Variants in SGPL1 observed in about 807,000 individuals in gnomAD.
SGPL1 encodes SP-lyase 1.
A neutral mutation model predicts 68.9 loss-of-function variants in SGPL1; 37 were observed. That is an observed-to-expected ratio of 0.54 (90% CI 0.41 to 0.71). The LOEUF is 0.71. Ranked by LOEUF, SGPL1 falls within the 30% of genes least tolerant of loss-of-function variation. The pLI is 0.00. For missense variants in SGPL1, 551 were observed against 704.6 expected (o/e 0.78, Z 2.47); for synonymous variants, 236 against 248.5 (o/e 0.95, Z 0.47).
intron 2 of SGPL1, among the ~76,000 whole-genome samples, chr10:70,837,684 A>G (rs1392566848): frequency 6.6e-6 from 1 of 152,254 alleles, no homozygotes; most frequent in Non-Finnish European, 1.5e-5. Flanking sequence ...CATGGTAGAT[A>G]GCTCTGAGGG....
chr10:70,871,196 C>A, intron 10 of SGPL1, 50 bp downstream of exon 10: 2 of 1,300,640 alleles, frequency 1.5e-6, no homozygotes, highest in Non-Finnish European at 1.1e-6. Flanking sequence ...TATTTTAAAA[C>A]AAAGCCTAAT....
chr10:70,863,146 C>G (rs751219534), intron 7 of SGPL1, among the ~76,000 whole-genome samples: 1 of 152,014 alleles, frequency 6.6e-6, no homozygotes, highest in Admixed American at 6.6e-5. Flanking sequence ...ACCACCATGC[C>G]TCGCTAATTT....
intron 2 of SGPL1, among the ~76,000 whole-genome samples, chr10:70,817,475 C>T (rs188142414): frequency 6.6e-6 from 1 of 151,990 alleles, no homozygotes; most frequent in Non-Finnish European, 1.5e-5. Context: ...TTCCTCAGAC[C>T]GGAGTGCAGT....
intron 2 of SGPL1, among the ~76,000 whole-genome samples, chr10:70,823,886 T>A (rs1459604704): frequency 6.6e-6 from 1 of 152,234 alleles, no homozygotes; most frequent in African/African-American, 2.4e-5. Flanking sequence ...ATTAAAGTTA[T>A]GATTGGAATA....
intron 5 of SGPL1, among the ~76,000 whole-genome samples, chr10:70,855,316 ATCTG>A (rs1273932642): frequency 2.0e-5 from 3 of 152,238 alleles, no homozygotes; most frequent in Non-Finnish European, 4.4e-5. Context: ...ATATATGTAT[ATCTG>A]TCTGTTTCTG....
At chr10:70,829,261 A>G (rs1053162396) in intron 2 of SGPL1, among the ~76,000 whole-genome samples, 1 of 152,156 alleles carries the variant, frequency 6.6e-6, no homozygotes, top group African/African-American at 2.4e-5. Flanking sequence ...AGATTGTTGA[A>G]GATTAAGAGT....
chr10:70,848,018 CT>C (rs1845817599), intron 3 of SGPL1, among the ~76,000 whole-genome samples: 1 of 152,208 alleles, frequency 6.6e-6, no homozygotes, highest in African/African-American at 2.4e-5. Context: ...AATTCTGCCT[CT>C]GTGATTATCA....
intron 2 of SGPL1, among the ~76,000 whole-genome samples, chr10:70,825,822 T>A (rs1389932248): frequency 1.3e-5 from 2 of 152,210 alleles, no homozygotes; most frequent in African/African-American, 4.8e-5. Flanking sequence ...AGAATTAGGT[T>A]TGAGTGTATA....
intron 7 of SGPL1, among the ~76,000 whole-genome samples, chr10:70,861,379 A>G (rs772751247): frequency 2.7e-4 from 41 of 152,202 alleles, no homozygotes; most frequent in Non-Finnish European, 5.3e-4. Context: ...CTGATACTCA[A>G]TAGCAACGAT....
chr10:70,834,896 T>G (rs1027762700), intron 2 of SGPL1, among the ~76,000 whole-genome samples: 2 of 152,212 alleles, frequency 1.3e-5, no homozygotes, highest in African/African-American at 2.4e-5. Context: ...CTTTGTGACC[T>G]GTAGGCCTCA....
chr10:70,828,345 AGGGTTTCACC>A (rs1326633263), intron 2 of SGPL1, among the ~76,000 whole-genome samples: 43 of 152,204 alleles, frequency 2.8e-4, no homozygotes, highest in African/African-American at 9.4e-4. Flanking sequence ...TTTCGGAGAC[AGGGTTTCACC>A]CTGTTGCCCA....
intron 12 of SGPL1, 50 bp downstream of exon 12, chr10:70,873,639 A>G (rs750787070): frequency 1.8e-5 from 25 of 1,373,682 alleles, no homozygotes; most frequent in Non-Finnish European, 2.6e-5. Flanking sequence ...TTTTTGTCCT[A>G]GTAGGCTCAA....
chr10:70,824,324 A>G (rs1845393434), intron 2 of SGPL1, among the ~76,000 whole-genome samples: 1 of 152,256 alleles, frequency 6.6e-6, no homozygotes, highest in Admixed American at 6.5e-5. Flanking sequence ...CAAAAACAGT[A>G]AAGAGACTAG....
At chr10:70,862,893 C>T (rs1312946977) in intron 7 of SGPL1, among the ~76,000 whole-genome samples, 2 of 152,218 alleles carry the variant, frequency 1.3e-5, no homozygotes, top group African/African-American at 4.8e-5. Context: ...CAAGAACCCA[C>T]CAATTCCGGA....
At chr10:70,861,363 G>C (rs1475044339) in intron 7 of SGPL1, among the ~76,000 whole-genome samples, 2 of 152,178 alleles carry the variant, frequency 1.3e-5, no homozygotes, top group Non-Finnish European at 2.9e-5. Context: ...ATAACTGTTA[G>C]GACAACTGAT....
chr10:70,843,544 G>A (rs1362864018), intron 2 of SGPL1, among the ~76,000 whole-genome samples: 1 of 152,206 alleles, frequency 6.6e-6, no homozygotes, highest in Admixed American at 6.5e-5. Flanking sequence ...AGACTGCAAG[G>A]CAGGTTGTGA....
intron 7 of SGPL1, among the ~76,000 whole-genome samples, chr10:70,861,746 C>T (rs914912512): frequency 6.6e-6 from 1 of 152,192 alleles, no homozygotes; most frequent in South Asian, 2.1e-4. Context: ...AGCAGCCGGC[C>T]GGCCCTGCCG....
At chr10:70,851,743 C>G (rs1356771989) in intron 4 of SGPL1, among the ~76,000 whole-genome samples, 5 of 152,134 alleles carry the variant, frequency 3.3e-5, no homozygotes, top group Admixed American at 6.5e-5. Flanking sequence ...ATTTTGGGCT[C>G]TGTAGGCCAT....
intron 2 of SGPL1, among the ~76,000 whole-genome samples, chr10:70,823,573 A>G (rs1845380329): frequency 6.7e-6 from 1 of 149,190 alleles, no homozygotes; most frequent in South Asian, 2.1e-4. Flanking sequence ...GAAAAAAAAA[A>G]AAAAAAAAAG....
Sources: gnomAD v4.1 joint callset for allele counts (sites outside exome capture counted in the v4.1 genomes callset) on GRCh38, gnomAD v4.1.1 for gene constraint, MANE v1.5 for transcripts, NCBI Gene and HGNC (gene_info 2026-07-23, HGNC 2026-07-21) for gene names.